The following CNKSR3 variants were observed in gnomAD, a reference collection of about 807,000 sequenced individuals.
CNKSR3 encodes connector enhancer of kinase suppressor of ras 3.
In CNKSR3, 36 loss-of-function variants were observed where a neutral mutation model predicts 67.7. The observed-to-expected ratio is 0.53, with a 90% confidence interval of 0.41 to 0.70. The LOEUF (loss-of-function observed/expected upper bound fraction) is 0.70. CNKSR3 is among the 30% of genes least tolerant of loss of function. The pLI is 0.00. For synonymous variants in CNKSR3, 281 were observed against 271.4 expected, an observed-to-expected ratio of 1.04 and a Z score of -0.35; for missense variants, 630 against 695.2, an observed-to-expected ratio of 0.91 and a Z score of 1.05.
chr6:154,419,541 C>T (rs971181473), intron 9 of CNKSR3, among the ~76,000 whole-genome samples: 4 of 152,132 alleles, frequency 2.6e-5, no homozygotes, highest in Admixed American at 2.6e-4. Context: ...TCCTAGCACA[C>T]GGCTGGTGGG....
At chr6:154,434,869 A>G (rs1785439371) in intron 4 of CNKSR3, among the ~76,000 whole-genome samples, 1 of 152,184 alleles carries the variant, frequency 6.6e-6, no homozygotes, top group Non-Finnish European at 1.5e-5. Flanking sequence ...CTCATCCCCT[A>G]TTAATACTGT....
chr6:154,418,121 C>T (rs964071951), intron 9 of CNKSR3, among the ~76,000 whole-genome samples: 7 of 152,202 alleles, frequency 4.6e-5, no homozygotes, highest in Non-Finnish European at 8.8e-5. Context: ...CACACAGCTG[C>T]CCCTTCTCAG....
intron 2 of CNKSR3, among the ~76,000 whole-genome samples, chr6:154,443,691 TTCACTAAGCGTGA>T (rs1483841880): frequency 6.6e-6 from 1 of 152,068 alleles, no homozygotes; most frequent in African/African-American, 2.4e-5. Context: ...TAAACACCAA[TTCACTAAGCGTGA>T]TCTCCTGAGC....
intron 1 of CNKSR3, among the ~76,000 whole-genome samples, chr6:154,452,954 T>C (rs1267843884): frequency 2.0e-5 from 3 of 152,236 alleles, no homozygotes; most frequent in Admixed American, 6.5e-5. Context: ...TCCCAGTCTA[T>C]GGAACTTTGT....
intron 1 of CNKSR3, among the ~76,000 whole-genome samples, chr6:154,451,962 A>AG (rs1345991603): frequency 2.0e-5 from 3 of 152,168 alleles, no homozygotes; most frequent in African/African-American, 4.8e-5. Flanking sequence ...CACGCGAGTC[A>AG]GGCAGGCAGT....
intron 1 of CNKSR3, among the ~76,000 whole-genome samples, chr6:154,486,464 TTTTTATTTTATTTTA>T (rs370678999): frequency 0.041 from 5,970 of 146,480 alleles, 881 homozygotes; most frequent in African/African-American, 0.15. Flanking sequence ...GCCCAGCTAA[TTTTTATTTTATTTTA>T]TTTTATTTTA....
rs773527663 is a variant in CNKSR3 at position 154,441,334 on chromosome 6, T to G, written c.465A>C (p.Lys155Asn). Reference protein sequence around the residue: ...GITDFSVTKNKIIQLCLDLTT... With the variant: ...GITDFSVTKNNIIQLCLDLTT... ...TCAGGTCCAAGCAAAGCTGGATAAT[T>G]TTGTTCTTCGTGACTGAGAAATCAG... The change falls in exon 4 of 13, where the codon AAA becomes AAC. Residue 155 changes from lysine to asparagine, a missense_variant. Around this residue, in one of 3 missense-constraint regions of CNKSR3, gnomAD observed 189 missense variants for 205.0 expected, o/e 0.92. Transcript: ENST00000607772. 3 of 1,613,936 alleles carry G rather than the reference T, an allele frequency of 1.9e-6. No homozygotes were observed. In the East Asian group the frequency reaches 6.7e-5, roughly 36 times the overall value.
rs547153578 is a variant in CNKSR3 at position 154,388,791 on chromosome 6, G to A, written c.*17563C>T. 6.6e-6 allele frequency: 1 copy of A among 152,128 alleles called. No individual in the cohort carries two copies. The highest frequency in any genetic ancestry group is 1.9e-4 in the East Asian group (1 of 5,170). 9.4% of individuals were successfully genotyped at this position (152,128 alleles called of 1,614,324 possible). The stretch of plus-strand genomic sequence containing the variant: ...GATGATGAGCACCTTTTATCCTCTG[G>A]GAGCCTCCCATTTCCTCTCATTGAT... On this transcript the variant is annotated 3_prime_UTR_variant, in exon 13 of 13. Transcript: ENST00000607772.
At chr6:154,413,893 A>G (rs977718940) in intron 10 of CNKSR3, among the ~76,000 whole-genome samples, 22 of 152,176 alleles carry the variant, frequency 1.4e-4, no homozygotes, top group African/African-American at 5.3e-4. Flanking sequence ...GACTACAGGC[A>G]TCTGCCACCA....
At chr6:154,500,186 C>T (rs1786952669) in intron 1 of CNKSR3, among the ~76,000 whole-genome samples, 1 of 151,674 alleles carries the variant, frequency 6.6e-6, no homozygotes, top group Admixed American at 6.6e-5. Context: ...CTCCTGAAGA[C>T]AATGTAATAT....
rs560995695 is a variant in CNKSR3 at position 154,430,065 on chromosome 6, T to C, written c.669+407A>G. 3.9e-5 allele frequency among the ~76,000 whole-genome samples: 6 copies of C among 152,324 alleles called. No individual in the cohort carries two copies. The South Asian group carries it at 6.2e-4, about 16-fold the overall frequency. ...TATGATATAGCTCATATATTACTTA[T>C]GAAACATTTCTAAACCCTTCTTAAG... On this transcript the variant is annotated intron_variant, in intron 6 of 12. Coordinates refer to ENST00000607772, the MANE Select transcript of CNKSR3 (RefSeq NM_173515.4).
At position 154,404,456 on chromosome 6, in the gene CNKSR3, T is replaced by A. The variant is rs1392702533; in HGVS notation, c.*1898A>T. ...ATCCACCCACCTTGGCCCCCCAAAG[T>A]TCTGGAATTACAGGCATGAGCCACT... On this transcript the variant is annotated 3_prime_UTR_variant, in exon 13 of 13. Transcript: ENST00000607772. The A allele has an allele frequency of 4.6e-5, 7 of 152,000 alleles. No individual in the cohort carries two copies. The highest frequency in any genetic ancestry group is 1.5e-4 in the African/African-American group (6 of 41,352). The allele number at this position is 152,000 out of a possible 1,614,324, so 9.4% of individuals were successfully genotyped here. A position where few individuals can be genotyped will look rare whatever the true frequency, so the allele number is the denominator to read the frequency against.
chr6:154,406,458 C>T lies in CNKSR3; in HGVS notation c.1564G>A (p.Glu522Lys), dbSNP rs764564566. Residue 522 changes from glutamate (E) to lysine (K), a missense_variant, in exon 13 of 13, where the codon GAA (glutamate) becomes AAA (lysine). By Grantham distance (56) the Glu-to-Lys change is moderately conservative (BLOSUM62 1). This residue lies in a region of CNKSR3 where 308 missense variants were observed against 299.6 expected (regional missense o/e 1.03). Coordinates refer to ENST00000607772, the MANE Select transcript of CNKSR3 (RefSeq NM_173515.4). ...GAGCCAGATTTCTTTTTGGTCCCTT[C>T]CTCCTGGAATGGAATCGTGGCGCTG... ...HSSATIPFQE[E>K]GTKKKSGSSA... is the part of the protein sequence containing the mutation. 2 of 1,614,062 alleles carry T rather than the reference C, an allele frequency of 1.2e-6. No homozygotes were observed. Among genetic ancestry groups the T allele is most frequent in the Non-Finnish European group, 1.7e-6 (2 of 1,180,046 alleles).
chr6:154,502,439 C>T (rs1224888500), intron 1 of CNKSR3, among the ~76,000 whole-genome samples: 1 of 151,696 alleles, frequency 6.6e-6, no homozygotes, highest in Non-Finnish European at 1.5e-5. Flanking sequence ...TCAGGTGATC[C>T]ACCCACCTCG....
intron 1 of CNKSR3, among the ~76,000 whole-genome samples, chr6:154,476,457 C>CAA (rs11332561): frequency 4.5e-5 from 5 of 110,788 alleles, no homozygotes; most frequent in African/African-American, 9.4e-5. Context: ...AACTATGTCT[C>CAA]AAAAAAAAAA....
chr6:154,464,630 C>A (rs1348495047), intron 1 of CNKSR3, among the ~76,000 whole-genome samples: 2 of 148,966 alleles, frequency 1.3e-5, no homozygotes, highest in South Asian at 2.2e-4. Flanking sequence ...GCAGGGGAAT[C>A]GCTTGAACCC....
chr6:154,387,803 A>T lies in CNKSR3; in HGVS notation c.*18551T>A, dbSNP rs1385440762. 2 of 152,228 alleles carry T rather than the reference A, an allele frequency of 1.3e-5. No homozygotes were observed. Among genetic ancestry groups the T allele is most frequent in the Non-Finnish European group, 2.9e-5 (2 of 68,040 alleles). The allele number at this position is 152,228 out of a possible 1,614,324, so 9.4% of individuals were successfully genotyped here. On this transcript the variant is annotated 3_prime_UTR_variant, in exon 13 of 13. Coordinates refer to ENST00000607772, the MANE Select transcript of CNKSR3 (RefSeq NM_173515.4). ...AGAAAAATGTTCTATCATCAAATGT[A>T]TTATGCATTTATTTTTTATCATTTG...
At chr6:154,509,313 C>A (rs988719213) in intron 1 of CNKSR3, among the ~76,000 whole-genome samples, 3 of 149,472 alleles carry the variant, frequency 2.0e-5, no homozygotes, top group South Asian at 2.2e-4. Context: ...CACCACCCCC[C>A]CACCGCCCCA....
chr6:154,499,077 G>T (rs1405142568), intron 1 of CNKSR3, among the ~76,000 whole-genome samples: 2 of 152,170 alleles, frequency 1.3e-5, no homozygotes, highest in African/African-American at 4.8e-5. Context: ...AGGACGGAAG[G>T]ATGCCCTGGG....
Sources: allele counts gnomAD v4.1 joint callset (sites outside exome capture counted in the v4.1 genomes callset), GRCh38; gene constraint gnomAD v4.1.1; regional missense constraint gnomAD v4.1.1; transcripts MANE v1.5; gene names NCBI Gene and HGNC (gene_info 2026-07-23, HGNC 2026-07-21).